EPB41L3: variants seen among roughly 807,000 people sequenced by gnomAD.
The protein encoded by EPB41L3 is erythrocyte membrane protein band 4.1 like 3.
A neutral mutation model predicts 127.1 loss-of-function variants in EPB41L3; 57 were observed. The ratio of observed to expected loss-of-function variants is 0.45; its 90% CI spans 0.36 to 0.56. EPB41L3 has a LOEUF of 0.56. Among genes scored for constraint, EPB41L3 ranks in the 20% least tolerant of loss-of-function variants. The pLI is 0.00. For synonymous variants in EPB41L3, 572 were observed against 549.5 expected (o/e 1.04, Z -0.57); for missense variants, 1,273 against 1,372.2 (o/e 0.93, Z 1.14).
rs1167592351 is a variant in EPB41L3, at chr18:5,561,111, G to A, written c.-306+51229C>T. ...TCCTGCCTCAGCCTCCCGAGTAGCT[G>A]GGACTACAGGCGCCCGCCACTACGC... is the stretch of plus-strand genomic sequence containing the variant. On this transcript the variant is annotated intron_variant, in intron 3 of 21. Transcript: ENST00000545076. 2.7e-5 allele frequency among the ~76,000 whole-genome samples: 4 copies of A among 148,810 alleles called. No homozygotes were observed. In the East Asian group the frequency reaches 7.9e-4, roughly 30 times the overall value.
intron 3 of EPB41L3, among the ~76,000 whole-genome samples, chr18:5,592,041 G>A (rs1382639514): frequency 6.6e-6 from 1 of 152,096 alleles, no homozygotes; most frequent in Non-Finnish European, 1.5e-5. Flanking sequence ...TCAGCATCTT[G>A]ACTCTTAAAA....
chr18:5,593,255 C>T (rs986657488), intron 3 of EPB41L3, among the ~76,000 whole-genome samples: 4 of 144,336 alleles, frequency 2.8e-5, no homozygotes, highest in African/African-American at 1.0e-4. Context: ...GCAAAATTCA[C>T]CCCTGATATT....
At chr18:5,469,685 G>A (rs80262049) in intron 3 of EPB41L3, among the ~76,000 whole-genome samples, 3,777 of 152,182 alleles carry the variant, frequency 0.025, 65 homozygotes, top group South Asian at 0.088. Flanking sequence ...AGGAACGTCC[G>A]AAAGATCCTG....
chr18:5,422,609 C>T (rs2077616902), intron 11 of EPB41L3, among the ~76,000 whole-genome samples: 1 of 152,184 alleles, frequency 6.6e-6, no homozygotes, highest in Non-Finnish European at 1.5e-5. Context: ...GAGACCTAGA[C>T]ATGATTCAGT....
chr18:5,465,324 A>T lies in EPB41L3; in HGVS notation c.381+12917T>A, dbSNP rs367646375. The stretch of plus-strand genomic sequence containing the variant: ...TAGCTGATGGGAAAACACAAATACT[A>T]TTCTTTCCAGGTTAAACAACAAATA... On this transcript the variant is annotated intron_variant, in intron 3 of 22. Coordinates refer to ENST00000341928, the MANE Select transcript of EPB41L3 (RefSeq NM_012307.5). Among the ~76,000 whole-genome samples the T allele has an allele frequency of 1.9e-4, 29 of 152,336 alleles. No homozygotes were observed. In the East Asian group the frequency reaches 4.2e-3, roughly 22 times the overall value.
rs538109400 is a variant in EPB41L3, at chr18:5,488,957, A to C, written c.183+44T>G. 7.1e-5 allele frequency: 108 copies of C among 1,531,390 alleles called. 1 individual carries two copies. The South Asian group carries it at 1.1e-3, about 16-fold the overall frequency. 94.9% of individuals were successfully genotyped at this position (1,531,390 alleles called of 1,614,324 possible). A position where few individuals can be genotyped will look rare whatever the true frequency, so the allele number is the denominator to read the frequency against. Reference sequence around the variant, plus strand: ...CCAAGGTTAAAGCCGATCCTGGAGCAGCTCAGCAAACACTGCGTCATTAGT... The same window carrying C: ...CCAAGGTTAAAGCCGATCCTGGAGCCGCTCAGCAAACACTGCGTCATTAGT... On this transcript the variant is annotated intron_variant, in intron 2 of 22. Coordinates refer to ENST00000341928, the MANE Select transcript of EPB41L3 (RefSeq NM_012307.5).
At chr18:5,570,979 G>T (rs1568590019) in intron 3 of EPB41L3, 1 of 152,142 alleles carries the variant, frequency 6.6e-6, no homozygotes, top group Admixed American at 6.5e-5. Context: ...CAAATGCCAA[G>T]TATTTAGAGA....
intron 3 of EPB41L3, among the ~76,000 whole-genome samples, chr18:5,453,795 A>C (rs1004006180): frequency 6.6e-6 from 1 of 152,222 alleles, no homozygotes; most frequent in Non-Finnish European, 1.5e-5. Flanking sequence ...TCCTGAACAC[A>C]GCAGGCATTC....
intron 5 of EPB41L3, among the ~76,000 whole-genome samples, chr18:5,440,679 T>C (rs1055607236): frequency 6.6e-6 from 1 of 152,232 alleles, no homozygotes; most frequent in Non-Finnish European, 1.5e-5. Flanking sequence ...AATGTTAGTC[T>C]TTTATGCCAG....
chr18:5,623,312 T>C (rs1159713080), intron 1 of EPB41L3, among the ~76,000 whole-genome samples: 1 of 152,234 alleles, frequency 6.6e-6, no homozygotes, highest in Non-Finnish European at 1.5e-5. Context: ...CAGCTCTTAA[T>C]CATTCAGAGC....
chr18:5,413,876 C>T (rs748172211), intron 13 of EPB41L3, among the ~76,000 whole-genome samples: 7 of 152,192 alleles, frequency 4.6e-5, no homozygotes, highest in East Asian at 1.9e-4. Flanking sequence ...ATCACACGTT[C>T]GCTAGCTTGT....
upstream of EPB41L3, among the ~76,000 whole-genome samples, chr18:5,547,185 G>C (rs1282959031): frequency 1.3e-5 from 2 of 152,190 alleles, no homozygotes; most frequent in Admixed American, 6.5e-5. Context: ...GATTGAATTT[G>C]CTTGCTTTCT....
chr18:5,423,288 G>A (rs2077708817), intron 11 of EPB41L3, 90 bp downstream of exon 11: 3 of 1,273,330 alleles, frequency 2.4e-6, no homozygotes, highest in African/African-American at 1.5e-5. Flanking sequence ...CAATATCCAG[G>A]AATATCTATA....
At chr18:5,447,131 A>C (rs1279393781) in intron 3 of EPB41L3, among the ~76,000 whole-genome samples, 1 of 152,208 alleles carries the variant, frequency 6.6e-6, no homozygotes, top group Admixed American at 6.5e-5. Context: ...TTGAATCTTC[A>C]GGATGTCCCT....
intron 13 of EPB41L3, among the ~76,000 whole-genome samples, chr18:5,413,587 A>C (rs751379355): frequency 2.0e-5 from 3 of 152,236 alleles, no homozygotes; most frequent in Non-Finnish European, 4.4e-5. Flanking sequence ...AGGCCTAGAG[A>C]TTAAATCAGG....
chr18:5,459,115 C>A (rs1442443612), intron 3 of EPB41L3, among the ~76,000 whole-genome samples: 1 of 152,110 alleles, frequency 6.6e-6, no homozygotes, highest in Non-Finnish European at 1.5e-5. Context: ...AGATGCCCAT[C>A]ATCTCTAGTT....
chr18:5,408,101 T>C (rs1332111489), intron 14 of EPB41L3, among the ~76,000 whole-genome samples: 1 of 152,134 alleles, frequency 6.6e-6, no homozygotes, highest in South Asian at 2.1e-4. Context: ...ATAGCTATGA[T>C]GACACAATAA....
At chr18:5,579,809 G>C (rs531722112) in intron 3 of EPB41L3, among the ~76,000 whole-genome samples, 1 of 152,320 alleles carries the variant, frequency 6.6e-6, no homozygotes, top group Non-Finnish European at 1.5e-5. Flanking sequence ...ACCACATACT[G>C]TAACCAATGT....
intron 3 of EPB41L3, among the ~76,000 whole-genome samples, chr18:5,566,728 T>TTCC (rs2094204567): frequency 3.4e-5 from 2 of 58,486 alleles, no homozygotes; most frequent in East Asian, 4.6e-4. Context: ...TATTCCATTC[T>TTCC]ATTCTATTCT....
Sources: allele counts gnomAD v4.1 joint callset (sites outside exome capture counted in the v4.1 genomes callset), GRCh38; gene constraint gnomAD v4.1.1; transcripts MANE v1.5; gene names NCBI Gene and HGNC (gene_info 2026-07-23, HGNC 2026-07-21).